NCK2: variants seen among roughly 807,000 people sequenced by gnomAD.
The protein encoded by NCK2 is NCK adaptor protein 2.
A neutral mutation model predicts 33.9 loss-of-function variants in NCK2; 16 were observed. That is an observed-to-expected ratio of 0.47 (90% confidence interval 0.32 to 0.72). The LOEUF (loss-of-function observed/expected upper bound fraction) is 0.72. Among genes scored for constraint, NCK2 ranks in the 30% least tolerant of loss-of-function variants. The probability of loss-of-function intolerance (pLI) is 0.03; values close to 1 mark genes in which losing one functional copy is unlikely to be tolerated. For synonymous variants in NCK2, 273 were observed against 239.9 expected, an observed-to-expected ratio of 1.14 and a Z score of -1.27; for missense variants, 418 against 537.3, an observed-to-expected ratio of 0.78 and a Z score of 2.19.
intron 3 of NCK2, among the ~76,000 whole-genome samples, chr2:105,861,412 A>G (rs995587698): frequency 1.3e-5 from 2 of 151,990 alleles, no homozygotes; most frequent in East Asian, 1.9e-4. Context: ...GGAAGCCCAC[A>G]TTAGGTGCTG....
rs1050345687 is a variant in NCK2 at position 105,855,139 on chromosome 2, A to G, written c.76A>G (p.Asn26Asp). ...QQDQELDIKK[N>D]ERLWLLDDSK... ...GGACCAGGAGCTGGACATCAAGAAG[A>G]ACGAGCGGCTGTGGTTGCTGGACGA... Residue 26 changes from asparagine to aspartate, a missense_variant, in exon 3 of 5, where the codon AAC becomes GAC. Coordinates refer to ENST00000233154, the MANE Select transcript of NCK2 (RefSeq NM_003581.5). The G allele has an allele frequency of 1.2e-6, 2 of 1,614,220 alleles. No homozygotes were observed. The highest frequency in any genetic ancestry group is 1.7e-6 in the Non-Finnish European group (2 of 1,180,040).
intron 1 of NCK2, among the ~76,000 whole-genome samples, chr2:105,771,699 A>G (rs1489300822): frequency 6.6e-6 from 1 of 152,202 alleles, no homozygotes; most frequent in African/African-American, 2.4e-5. Flanking sequence ...TGTTTCTCAA[A>G]TAGAGGCTAC....
chr2:105,778,726 C>A (rs1305446797), intron 1 of NCK2, among the ~76,000 whole-genome samples: 1 of 151,920 alleles, frequency 6.6e-6, no homozygotes, highest in East Asian at 1.9e-4. Flanking sequence ...TCTTTCATTT[C>A]TTATTATTTT....
chr2:105,780,329 C>G (rs12613162), intron 1 of NCK2, among the ~76,000 whole-genome samples: 1 of 77,072 alleles, frequency 1.3e-5, no homozygotes, highest in Admixed American at 1.5e-4. Flanking sequence ...GATATATACA[C>G]ACACACACAC....
At chr2:105,873,245 C>T (rs1558880659) in intron 3 of NCK2, among the ~76,000 whole-genome samples, 1 of 152,180 alleles carries the variant, frequency 6.6e-6, no homozygotes, top group East Asian at 1.9e-4. Flanking sequence ...TCTCATGAGC[C>T]ACTCTCAGGA....
intron 2 of NCK2, among the ~76,000 whole-genome samples, chr2:105,843,395 GAAA>G (rs5833154): frequency 3.8e-5 from 5 of 131,930 alleles, no homozygotes; most frequent in African/African-American, 1.2e-4. Flanking sequence ...GGTCCCATAA[GAAA>G]AAAAAAAAAA....
intron 2 of NCK2, among the ~76,000 whole-genome samples, chr2:105,825,359 C>T (rs1675900681): frequency 1.3e-5 from 2 of 152,184 alleles, no homozygotes; most frequent in Admixed American, 1.3e-4. Flanking sequence ...TCAAAAATCC[C>T]ATTCCGTTAC....
At chr2:105,858,640 G>C (rs1677387572) in intron 3 of NCK2, among the ~76,000 whole-genome samples, 1 of 152,160 alleles carries the variant, frequency 6.6e-6, no homozygotes, top group Non-Finnish European at 1.5e-5. Context: ...ATCTCCAACT[G>C]TAGATTACCC....
At chr2:105,867,072 C>T (rs571074211) in intron 3 of NCK2, among the ~76,000 whole-genome samples, 43 of 152,228 alleles carry the variant, frequency 2.8e-4, no homozygotes, top group African/African-American at 9.6e-4. Flanking sequence ...CCACTTTTTC[C>T]TTTCAAATCA....
At chr2:105,884,927 T>G (rs1217326514) in intron 4 of NCK2, among the ~76,000 whole-genome samples, 37 of 152,216 alleles carry the variant, frequency 2.4e-4, no homozygotes, top group Non-Finnish European at 8.8e-5. Context: ...CATACCTGCT[T>G]AAATCCAGAA....
At chr2:105,790,349 T>C (rs181385097) in intron 1 of NCK2, among the ~76,000 whole-genome samples, 24 of 152,382 alleles carry the variant, frequency 1.6e-4, no homozygotes, top group Admixed American at 5.2e-4. Flanking sequence ...GAACAGTTGC[T>C]GAGCCCTGGG....
At chr2:105,761,291 C>CT (rs1479497641) in intron 1 of NCK2, among the ~76,000 whole-genome samples, 1 of 152,168 alleles carries the variant, frequency 6.6e-6, no homozygotes, top group Non-Finnish European at 1.5e-5. Context: ...ATTTTAACTC[C>CT]TGGCTGACTG....
chr2:105,750,207 C>G, intron 1 of NCK2, among the ~76,000 whole-genome samples: 1 of 152,122 alleles, frequency 6.6e-6, no homozygotes, highest in Non-Finnish European at 1.5e-5. Context: ...TTCTTGTGTC[C>G]TCACTCACGT....
intron 1 of NCK2, among the ~76,000 whole-genome samples, chr2:105,763,706 A>G (rs1689840394): frequency 6.6e-6 from 1 of 152,156 alleles, no homozygotes; most frequent in South Asian, 2.1e-4. Context: ...ATGACTTAAA[A>G]TCTCTTGTGT....
chr2:105,776,989 C>T (rs1690325745), intron 1 of NCK2, among the ~76,000 whole-genome samples: 1 of 151,584 alleles, frequency 6.6e-6, no homozygotes, highest in Non-Finnish European at 1.5e-5. Flanking sequence ...AAGGGCTGGA[C>T]AGCCAAAGGC....
At chr2:105,826,382 G>C (rs1375561728) in intron 2 of NCK2, among the ~76,000 whole-genome samples, 1 of 152,050 alleles carries the variant, frequency 6.6e-6, no homozygotes, top group Non-Finnish European at 1.5e-5. Context: ...GATTTGGGTG[G>C]GGACACAAAG....
At chr2:105,778,714 C>T (rs1335211906) in intron 1 of NCK2, among the ~76,000 whole-genome samples, 2 of 151,648 alleles carry the variant, frequency 1.3e-5, no homozygotes, top group Non-Finnish European at 2.9e-5. Flanking sequence ...TTATTTTTTT[C>T]TTCTTTCATT....
chr2:105,877,322 A>T (rs1678281970), intron 3 of NCK2, among the ~76,000 whole-genome samples: 1 of 152,060 alleles, frequency 6.6e-6, no homozygotes, highest in Admixed American at 6.6e-5. Flanking sequence ...AGCATTCAGG[A>T]TCTCCCATCC....
At chr2:105,795,278 T>C (rs1225159364) in intron 1 of NCK2, among the ~76,000 whole-genome samples, 1 of 151,186 alleles carries the variant, frequency 6.6e-6, no homozygotes, top group Non-Finnish European at 1.5e-5. Context: ...CAAACACATA[T>C]GTGTATACAG....
Sources: allele counts gnomAD v4.1 joint callset (sites outside exome capture counted in the v4.1 genomes callset), GRCh38; gene constraint gnomAD v4.1.1; transcripts MANE v1.5; gene names NCBI Gene and HGNC (gene_info 2026-07-23, HGNC 2026-07-21).